The following ZP1 variants were observed in gnomAD, a reference collection of about 807,000 sequenced individuals.
ZP1 encodes zona pellucida glycoprotein 1.
ZP1 carries 58 observed loss-of-function variants against 67.4 expected under a neutral mutation model. That is an observed-to-expected ratio of 0.86 (90% CI 0.70 to 1.07). The LOEUF (loss-of-function observed/expected upper bound fraction) is 1.07. Ranked by LOEUF, ZP1 falls within the 50% of genes least tolerant of loss-of-function variation. ZP1 has a pLI of 0.00. For synonymous variants in ZP1, 333 were observed against 332.7 expected, an observed-to-expected ratio of 1.00 and a Z score of -0.01; for missense variants, 759 against 807.3, an observed-to-expected ratio of 0.94 and a Z score of 0.72.
At position 60,871,114 on chromosome 11, in the gene ZP1, C is replaced by T. The variant is rs371543251; in HGVS notation, c.984C>T (p.Phe328=). The change falls in exon 5 of 12, where the codon TTC becomes TTT. Residue 328 remains phenylalanine (F), a synonymous_variant. Coordinates refer to ENST00000278853, the MANE Select transcript of ZP1 (RefSeq NM_207341.4). The part of the protein sequence containing the change: ...QHTEAFVVFY[F]PLTHCGTTMQ... ...CGGAAGCTTTCGTGGTCTTCTACTT[C>T]CCTCTCACCCACTGTGGAACCACAA... 2 of 1,614,136 alleles carry T rather than the reference C, an allele frequency of 1.2e-6. No homozygotes were observed. Among genetic ancestry groups the T allele is most frequent in the Non-Finnish European group, 1.7e-6 (2 of 1,180,002 alleles).
rs780139759 is a variant in ZP1 at position 60,875,026 on chromosome 11, T to C, written c.1654+12T>C. 9.3e-6 allele frequency: 15 copies of C among 1,614,124 alleles called. No homozygotes were observed. Among genetic ancestry groups the C allele is most frequent in the Non-Finnish European group, 1.1e-5 (13 of 1,180,054 alleles). ...CACTGGCACTACAAGTGAGTCTGGG[T>C]TGCGAGTGGTATTTGTTCCTTTATA... On this transcript the variant is annotated intron_variant, in intron 10 of 11. Transcript: ENST00000278853.
Position 60,873,201 on chromosome 11 carries a change from G to A in ZP1, c.1152G>A (p.Leu384=), listed in dbSNP as rs1356028767. The change falls in exon 7 of 12, where the codon CTG becomes CTA. Residue 384 remains leucine (L), a synonymous_variant. Coordinates refer to ENST00000278853, the MANE Select transcript of ZP1 (RefSeq NM_207341.4). Reference sequence around the variant, plus strand: ...GTGTCTTCAACGCCAGTGACTTCCTGCCCATTCAGGCATCCATTTTCCCAC... The same window carrying A: ...GTGTCTTCAACGCCAGTGACTTCCTACCCATTCAGGCATCCATTTTCCCAC... ...VRCVFNASDF[L]PIQASIFPPP... 1 of 1,607,290 alleles carries A rather than the reference G, an allele frequency of 6.2e-7. No individual in the cohort carries two copies. The highest frequency in any genetic ancestry group is 8.5e-7 in the Non-Finnish European group (1 of 1,176,370).
In ZP1 at chr11:60,871,237, C is replaced by T. The variant is rs1855562796; in HGVS notation, c.1035C>T (p.Ile345=). The change falls in exon 6 of 12, where the codon ATC becomes ATT. Residue 345 remains isoleucine (I), a synonymous_variant. Transcript: ENST00000278853. ...TTMQVAGDQL[I]YENWLVSGIH... ...TACAGGTGGCTGGCGACCAGCTCATCTATGAGAACTGGCTGGTGTCTGGCA... is the reference window on the plus strand; with the variant it reads ...TACAGGTGGCTGGCGACCAGCTCATTTATGAGAACTGGCTGGTGTCTGGCA... The T allele has an allele frequency of 1.2e-6, 2 of 1,614,058 alleles. No individual in the cohort carries two copies. The highest frequency in any genetic ancestry group is 1.7e-6 in the Non-Finnish European group (2 of 1,180,048).
In ZP1 at chr11:60,873,761, G is replaced by T; in HGVS notation, c.1558G>T (p.Ala520Ser). 3 of 1,613,936 alleles carry T rather than the reference G, an allele frequency of 1.9e-6. No homozygotes were observed. The highest frequency in any genetic ancestry group is 2.5e-6 in the Non-Finnish European group (3 of 1,180,032). The change falls in exon 9 of 12, where the codon GCC becomes TCC. Residue 520 changes from alanine to serine, a missense_variant. Physicochemically the swap from Ala to Ser is moderately conservative, Grantham distance 99. Coordinates refer to ENST00000278853, the MANE Select transcript of ZP1 (RefSeq NM_207341.4). ...FALLDSGSQR[A>S]LRGLVYLFCS... is the part of the protein sequence containing the mutation. ...CCTCCTGGACTCAGGCTCCCAGAGA[G>T]CCCTCAGAGGACTGGTAAGAAGCCC...
rs1398839081 is a variant in ZP1, at chr11:60,869,531, C to T, written c.319-6C>T. The T allele has an allele frequency of 1.3e-6, 2 of 1,596,974 alleles. No homozygotes were observed. The highest frequency in any genetic ancestry group is 3.4e-5 in the Admixed American group (2 of 59,202). ...TTGCTGCTCTATGATGGCCTCTCAC[C>T]TGCAGGATGGGCGTTTCCACCTGAG... On this transcript the variant is annotated splice_polypyrimidine_tract_variant and splice_region_variant and intron_variant, in intron 2 of 11. Coordinates refer to ENST00000278853, the MANE Select transcript of ZP1 (RefSeq NM_207341.4).
chr11:60,873,471 C>T lies in ZP1; in HGVS notation c.1337C>T (p.Thr446Ile). The change falls in exon 8 of 12, where the codon ACA becomes ATA. Residue 446 changes from threonine to isoleucine, a missense_variant. Transcript: ENST00000278853. Reference protein sequence around the residue: ...VHVEVRLLQRTDPNLVLLLHQ... With the variant: ...VHVEVRLLQRIDPNLVLLLHQ... ...GTGGAGGTCCGGCTTCTGCAGAGGA[C>T]AGACCCCAACCTGGTCCTGCTGCTG... The T allele has an allele frequency of 6.2e-7, 1 of 1,613,538 alleles. No individual in the cohort carries two copies. Among genetic ancestry groups the T allele is most frequent in the South Asian group, 1.1e-5 (1 of 91,078 alleles).
In ZP1 at chr11:60,874,941, G is replaced by C. The variant is rs760679784; in HGVS notation, c.1581G>C (p.Leu527Phe). 1 of 1,614,210 alleles carries C rather than the reference G, an allele frequency of 6.2e-7. No individual in the cohort carries two copies. The highest frequency in any genetic ancestry group is 2.2e-5 in the East Asian group (1 of 44,890). Residue 527 changes from leucine (L) to phenylalanine (F), a missense_variant, in exon 10 of 12, where the codon TTG (leucine) becomes TTC (phenylalanine). Physicochemically the swap from Leu to Phe is conservative, Grantham distance 22. Coordinates refer to ENST00000278853, the MANE Select transcript of ZP1 (RefSeq NM_207341.4). ...TCTTCTCCTTCCACCAGGTTTACTT[G>C]TTCTGCAGCACCTCTGCCTGCCACA... is the stretch of plus-strand genomic sequence containing the variant. Reference protein sequence around the residue: ...SQRALRGLVYLFCSTSACHTS... With the variant: ...SQRALRGLVYFFCSTSACHTS...
At chr11:60,870,933 G>A in intron 4 of ZP1, 24 bp from the exon 5 acceptor site, 1 of 1,601,014 alleles carries the variant, frequency 6.2e-7, no homozygotes, top group Non-Finnish European at 8.5e-7. Context: ...CAAACCCCAA[G>A]GCCCTCATCT....
At chr11:60,868,057 T>G (rs1201943530) in intron 1 of ZP1, among the ~76,000 whole-genome samples, 1 of 127,636 alleles carries the variant, frequency 7.8e-6, no homozygotes, top group Non-Finnish European at 1.7e-5. Flanking sequence ...TTTTTTTTTC[T>G]GAGACAGTCT....
rs138221670 is a variant in ZP1, at chr11:60,873,391, G to T, written c.1257G>T (p.Ser419=). 2.3e-5 allele frequency: 37 copies of T among 1,607,576 alleles called. No individual in the cohort carries two copies. The African/African-American group carries it at 4.4e-4, about 19-fold the overall frequency. ...TCCCTGCAGACGAGACCTTCAGCTCGTACTATGGGGAGGATGACTATCCCA... is the reference window on the plus strand; with the variant it reads ...TCCCTGCAGACGAGACCTTCAGCTCTTACTATGGGGAGGATGACTATCCCA... The part of the protein sequence containing the change: ...LRIAKDETFS[S]YYGEDDYPIV... The change falls in exon 8 of 12, where the codon TCG becomes TCT. Residue 419 remains serine (S), a synonymous_variant. Transcript: ENST00000278853.
rs1023917252 is a variant in ZP1 at position 60,873,871 on chromosome 11, A to G, written c.1572+96A>G. 13 of 1,529,002 alleles carry G rather than the reference A, an allele frequency of 8.5e-6. No individual in the cohort carries two copies. In the African/African-American group the frequency reaches 1.6e-4, roughly 19 times the overall value. The allele number at this position is 1,529,002 out of a possible 1,614,324, so 94.7% of individuals were successfully genotyped here. ...TGGCACCCTGTGAACTTATATGGAC[A>G]AAGTTCTGGGATGGGGCTTGGCGTC... On this transcript the variant is annotated intron_variant, in intron 9 of 11. Transcript: ENST00000278853.
At chr11:60,875,302 G>T in intron 11 of ZP1, 54 bp downstream of exon 11, 1 of 1,570,064 alleles carries the variant, frequency 6.4e-7, no homozygotes. Context: ...CAGCCCCCAA[G>T]ATTGTGCTGA....
chr11:60,868,920 GAA>G (rs1358280841), intron 1 of ZP1, among the ~76,000 whole-genome samples: 1 of 152,156 alleles, frequency 6.6e-6, no homozygotes, highest in Non-Finnish European at 1.5e-5. Flanking sequence ...TGTGAGCAGG[GAA>G]CCCTAGCTAG....
chr11:60,870,943 T>C lies in ZP1; in HGVS notation c.827-14T>C. On this transcript the variant is annotated splice_polypyrimidine_tract_variant and intron_variant, in intron 4 of 11. Coordinates refer to ENST00000278853, the MANE Select transcript of ZP1 (RefSeq NM_207341.4). ...GACACCAAACCCCAAGGCCCTCATC[T>C]GCCTTTGTCCCAGCTACTGTCCAGT... The C allele has an allele frequency of 6.2e-7, 1 of 1,607,862 alleles. No homozygotes were observed. The highest frequency in any genetic ancestry group is 8.5e-7 in the Non-Finnish European group (1 of 1,176,562).
intron 6 of ZP1, among the ~76,000 whole-genome samples, chr11:60,872,172 C>T (rs531903721): frequency 4.9e-4 from 74 of 152,196 alleles, no homozygotes; most frequent in African/African-American, 1.7e-3. Context: ...CAAGACTAGC[C>T]TGGGCAACAC....
intron 9 of ZP1, among the ~76,000 whole-genome samples, chr11:60,874,692 C>T (rs1175859268): frequency 1.3e-5 from 2 of 152,374 alleles, no homozygotes; most frequent in African/African-American, 4.8e-5. Flanking sequence ...CACTCCACTG[C>T]AGACTTGGAC....
rs749063683 is a variant in ZP1, at chr11:60,873,625, T to C, written c.1431-9T>C. 1 of 1,613,960 alleles carries C rather than the reference T, an allele frequency of 6.2e-7. No individual in the cohort carries two copies. Among genetic ancestry groups the C allele is most frequent in the East Asian group, 2.2e-5 (1 of 44,896 alleles). ...TCCTGTAAACAGCCTCTCTGACTTCTCTTCTCAGATGCCCTTTCAAGGGCG... is the reference window on the plus strand; with the variant it reads ...TCCTGTAAACAGCCTCTCTGACTTCCCTTCTCAGATGCCCTTTCAAGGGCG... On this transcript the variant is annotated splice_polypyrimidine_tract_variant and intron_variant, in intron 8 of 11. Transcript: ENST00000278853.
At chr11:60,870,242 A>C (rs1855540251) in intron 3 of ZP1, 90 bp from the exon 4 acceptor site, 9 of 1,287,346 alleles carry the variant, frequency 7.0e-6, no homozygotes, top group Non-Finnish European at 9.2e-6. Context: ...CTAAGAGCAC[A>C]AGCTCTGGAG....
At position 60,873,476 on chromosome 11, in the gene ZP1, C is replaced by T. The variant is rs1463166988; in HGVS notation, c.1342C>T (p.Pro448Ser). Residue 448 changes from proline (P) to serine (S), a missense_variant, in exon 8 of 12, where the codon CCC (proline) becomes TCC (serine). Physicochemically the swap from Pro to Ser is moderately conservative, Grantham distance 74. Coordinates refer to ENST00000278853, the MANE Select transcript of ZP1 (RefSeq NM_207341.4). ...VEVRLLQRTD[P>S]NLVLLLHQCW... ...GGTCCGGCTTCTGCAGAGGACAGAC[C>T]CCAACCTGGTCCTGCTGCTGCACCA... is the stretch of plus-strand genomic sequence containing the variant. 3 of 1,613,676 alleles carry T rather than the reference C, an allele frequency of 1.9e-6. No homozygotes were observed. In the Admixed American group the frequency reaches 5.0e-5, roughly 27 times the overall value.
Sources: allele counts gnomAD v4.1 joint callset (sites outside exome capture counted in the v4.1 genomes callset), GRCh38; gene constraint gnomAD v4.1.1; transcripts MANE v1.5; gene names NCBI Gene and HGNC (gene_info 2026-07-23, HGNC 2026-07-21).